Variants in LTBP1 observed in about 807,000 individuals in gnomAD.
LTBP1 encodes the protein latent transforming growth factor beta binding protein 1.
Under a neutral mutation model 207.6 loss-of-function variants are expected in LTBP1, and 129 were observed. The ratio of observed to expected loss-of-function variants is 0.62; its 90% confidence interval spans 0.54 to 0.72. LTBP1 has a LOEUF of 0.72. LTBP1 is among the 30% of genes least tolerant of loss of function. The probability of loss-of-function intolerance (pLI) is 0.00; values close to 1 mark genes in which losing one functional copy is unlikely to be tolerated. For synonymous variants in LTBP1, 963 were observed against 833.7 expected (o/e 1.16, Z -2.67); for missense variants, 2,281 against 2,217.2 (o/e 1.03, Z -0.58).
At chr2:33,202,983 C>T (rs2367623) in intron 7 of LTBP1, among the ~76,000 whole-genome samples, 6 of 152,004 alleles carry the variant, frequency 3.9e-5, no homozygotes, top group African/African-American at 1.5e-4. Context: ...ACACCAGGCA[C>T]TTCCTATGCC....
chr2:33,065,664 A>G (rs1160134026), intron 3 of LTBP1, among the ~76,000 whole-genome samples: 1 of 152,040 alleles, frequency 6.6e-6, no homozygotes, highest in South Asian at 2.1e-4. Flanking sequence ...ATATATGTTG[A>G]TGAGGAATAT....
rs571321655 is a variant in LTBP1, at chr2:33,384,493, C to T, written c.4712-4691C>T. On this transcript the variant is annotated intron_variant, in intron 31 of 33. Coordinates refer to ENST00000404816, the MANE Select transcript of LTBP1 (RefSeq NM_206943.4). ...CAGATGGACACATTGTATGGGGTCT[C>T]AAATGGGATTGCCTCCAAAGTGCAC... is the stretch of plus-strand genomic sequence containing the variant. 6.8e-4 allele frequency among the ~76,000 whole-genome samples: 103 copies of T among 152,252 alleles called. 1 individual carries two copies. The highest frequency in any genetic ancestry group is 7.2e-4 in the Admixed American group (11 of 15,300).
chr2:33,056,139 T>C (rs1393022863), intron 3 of LTBP1, among the ~76,000 whole-genome samples: 1 of 152,100 alleles, frequency 6.6e-6, no homozygotes, highest in East Asian at 1.9e-4. Flanking sequence ...CAGGTGGCCG[T>C]TTTTCCCCAT....
chr2:33,331,611 G>C (rs2094494751), intron 24 of LTBP1, among the ~76,000 whole-genome samples: 1 of 152,036 alleles, frequency 6.6e-6, no homozygotes, highest in African/African-American at 2.4e-5. Flanking sequence ...ATTTGTTATG[G>C]CACAGAATAT....
At chr2:33,324,377 GGTATGTATGTAT>G (rs753544732) in intron 24 of LTBP1, among the ~76,000 whole-genome samples, 4 of 150,914 alleles carry the variant, frequency 2.7e-5, no homozygotes, top group African/African-American at 7.3e-5. Flanking sequence ...CTTTATCATA[GGTATGTATGTAT>G]GTATGTATGT....
chr2:32,953,703 C>G (rs1461620773), intron 2 of LTBP1, among the ~76,000 whole-genome samples: 1 of 152,180 alleles, frequency 6.6e-6, no homozygotes, highest in Admixed American at 6.5e-5. Flanking sequence ...TTTTTGCTGC[C>G]CAGTGAACCC....
At chr2:33,207,953 G>A (rs1448731906) in intron 7 of LTBP1, among the ~76,000 whole-genome samples, 1 of 152,212 alleles carries the variant, frequency 6.6e-6, no homozygotes, top group Non-Finnish European at 1.5e-5. Flanking sequence ...AGTTTAAGAG[G>A]AGCAAAGAAG....
intron 5 of LTBP1, among the ~76,000 whole-genome samples, chr2:33,169,212 G>A (rs1396368061): frequency 5.3e-5 from 8 of 152,116 alleles, no homozygotes; most frequent in African/African-American, 1.9e-4. Flanking sequence ...ACGTTTCTCT[G>A]CTTTTGTGTG....
chr2:32,986,580 A>C (rs867793661), intron 2 of LTBP1, among the ~76,000 whole-genome samples: 3 of 152,262 alleles, frequency 2.0e-5, no homozygotes, highest in Middle Eastern at 3.4e-3. Flanking sequence ...GAAAACAAAA[A>C]CAGAAACAAA....
intron 5 of LTBP1, among the ~76,000 whole-genome samples, chr2:33,178,990 C>G (rs962687209): frequency 9.2e-5 from 14 of 152,148 alleles, no homozygotes; most frequent in African/African-American, 3.4e-4. Context: ...ATCCTCCCAC[C>G]TTGGCCTCCT....
chr2:33,263,865 G>A (rs6710501), intron 15 of LTBP1, among the ~76,000 whole-genome samples: 55,063 of 150,842 alleles, frequency 0.37, 10,384 homozygotes, highest in Non-Finnish European at 0.41. Flanking sequence ...AGGCAGGGGA[G>A]TCGCTTGAAC....
At chr2:32,960,990 C>G (rs1398468840) in intron 2 of LTBP1, among the ~76,000 whole-genome samples, 1 of 152,048 alleles carries the variant, frequency 6.6e-6, no homozygotes, top group Non-Finnish European at 1.5e-5. Flanking sequence ...ACAGTCAACA[C>G]AAGTACTATA....
At chr2:33,349,310 A>ATAT in intron 26 of LTBP1, among the ~76,000 whole-genome samples, 2 of 152,158 alleles carry the variant, frequency 1.3e-5, no homozygotes, top group East Asian at 3.9e-4. Flanking sequence ...ATTAGCCGGG[A>ATAT]GTGGAGGCAT....
chr2:33,397,358 A>T, intron 33 of LTBP1, 76 bp downstream of exon 33: 1 of 1,540,416 alleles, frequency 6.5e-7, no homozygotes, highest in East Asian at 2.3e-5. Context: ...AGAACATTTA[A>T]GATAGATTTG....
At chr2:33,034,155 G>A (rs1234429839) in intron 3 of LTBP1, among the ~76,000 whole-genome samples, 2 of 151,528 alleles carry the variant, frequency 1.3e-5, no homozygotes, top group African/African-American at 4.9e-5. Flanking sequence ...GATTGTTTTT[G>A]AGGGAATGAT....
intron 26 of LTBP1, among the ~76,000 whole-genome samples, chr2:33,351,146 G>A (rs925116107): frequency 1.2e-4 from 19 of 152,022 alleles, no homozygotes; most frequent in African/African-American, 2.9e-4. Flanking sequence ...ATCAGTTTTC[G>A]CTAATACAGT....
At chr2:33,397,802 G>A (rs1171333003) in intron 33 of LTBP1, among the ~76,000 whole-genome samples, 13 of 151,914 alleles carry the variant, frequency 8.6e-5, no homozygotes, top group Non-Finnish European at 1.6e-4. Flanking sequence ...GATTACAGGC[G>A]TGAGCCACCA....
intron 3 of LTBP1, among the ~76,000 whole-genome samples, chr2:33,103,633 T>TGTGTG (rs780868356): frequency 0.016 from 1,952 of 122,978 alleles, 26 homozygotes; most frequent in Middle Eastern, 0.04. Flanking sequence ...GTGTGAGTGT[T>TGTGTG]ATGCTGCCAT....
At chr2:33,011,750 A>G (rs1007531831) in intron 2 of LTBP1, among the ~76,000 whole-genome samples, 1 of 152,054 alleles carries the variant, frequency 6.6e-6, no homozygotes, top group African/African-American at 2.4e-5. Flanking sequence ...TCTGGTGATT[A>G]TACTAAATCA....
Sources: gnomAD v4.1 joint callset for allele counts (sites outside exome capture counted in the v4.1 genomes callset) on GRCh38, gnomAD v4.1.1 for gene constraint, MANE v1.5 for transcripts, NCBI Gene and HGNC (gene_info 2026-07-23, HGNC 2026-07-21) for gene names.